SETBP1: variants seen among roughly 807,000 people sequenced by gnomAD.
The protein encoded by SETBP1 is SET-binding protein.
SETBP1 carries 9 observed loss-of-function variants against 101.0 expected under a neutral mutation model. The ratio of observed to expected loss-of-function variants is 0.09; its 90% confidence interval spans 0.05 to 0.16. The LOEUF (loss-of-function observed/expected upper bound fraction) is 0.16. Ranked by LOEUF, SETBP1 falls within the 10% of genes least tolerant of loss-of-function variation. The probability of loss-of-function intolerance (pLI) is 1.00; values close to 1 mark genes in which losing one functional copy is unlikely to be tolerated. For missense variants in SETBP1, 1,858 were observed against 2,033.8 expected, an observed-to-expected ratio of 0.91 and a Z score of 1.66; for synonymous variants, 818 against 788.5, an observed-to-expected ratio of 1.04 and a Z score of -0.63.
intron 2 of SETBP1, among the ~76,000 whole-genome samples, chr18:44,828,132 A>G (rs2072274967): frequency 6.6e-6 from 1 of 152,200 alleles, no homozygotes; most frequent in Non-Finnish European, 1.5e-5. Context: ...TGTTCAAACT[A>G]TGATTGAAAT....
intron 5 of SETBP1, among the ~76,000 whole-genome samples, chr18:45,058,957 C>A (rs957546321): frequency 6.6e-6 from 1 of 152,172 alleles, no homozygotes; most frequent in African/African-American, 2.4e-5. Flanking sequence ...GGAACATCTC[C>A]TCTTATCCTT....
At position 45,029,980 on chromosome 18, in the gene SETBP1, T is replaced by A. The variant is rs1311023863; in HGVS notation, c.4001-8505T>A. Among the ~76,000 whole-genome samples, 31 of 148,892 alleles carry A rather than the reference T, an allele frequency of 2.1e-4. 1 individual carries two copies. The highest frequency in any genetic ancestry group is 3.7e-4 in the Non-Finnish European group (25 of 67,086). ...AACAGGGACAATTTGACTTCCTCTT[T>A]TCCTAATTGAATACCCTTTATTTCC... On this transcript the variant is annotated intron_variant, in intron 4 of 5. Transcript: ENST00000649279.
intron 3 of SETBP1, among the ~76,000 whole-genome samples, chr18:44,876,312 A>T (rs916009610): frequency 2.0e-5 from 3 of 152,136 alleles, no homozygotes; most frequent in Non-Finnish European, 2.9e-5. Context: ...TGTATAAGGA[A>T]ATCCTGCAGC....
chr18:44,803,494 C>T (rs914001816), intron 2 of SETBP1, among the ~76,000 whole-genome samples: 4 of 152,074 alleles, frequency 2.6e-5, no homozygotes, highest in Admixed American at 2.0e-4. Context: ...ACTGAGTCTC[C>T]CAGAAGCTGC....
chr18:44,854,224 A>G (rs1400552961), intron 2 of SETBP1, among the ~76,000 whole-genome samples: 1 of 152,118 alleles, frequency 6.6e-6, no homozygotes, highest in Non-Finnish European at 1.5e-5. Flanking sequence ...GAATGAATGT[A>G]GCAAGCAGAT....
chr18:44,798,410 T>C (rs2071528404), intron 2 of SETBP1, among the ~76,000 whole-genome samples: 1 of 152,070 alleles, frequency 6.6e-6, no homozygotes, highest in Admixed American at 6.5e-5. Context: ...GAAATGGAAA[T>C]GTCCCTCTGA....
chr18:44,944,060 C>A (rs2071148516), intron 3 of SETBP1, among the ~76,000 whole-genome samples: 1 of 152,032 alleles, frequency 6.6e-6, no homozygotes, highest in African/African-American at 2.4e-5. Context: ...TCTTGAATTT[C>A]TGACCTCAAG....
intron 2 of SETBP1, among the ~76,000 whole-genome samples, chr18:44,711,476 T>TCTCC (rs530792582): frequency 2.3e-5 from 3 of 130,388 alleles, no homozygotes; most frequent in African/African-American, 8.7e-5. Context: ...TTCCTTCCTT[T>TCTCC]CTCCCTCCCT....
intron 2 of SETBP1, among the ~76,000 whole-genome samples, chr18:44,853,763 C>T (rs1322253618): frequency 1.3e-5 from 2 of 152,224 alleles, no homozygotes; most frequent in Admixed American, 6.5e-5. Flanking sequence ...TAACCTCAGT[C>T]TAGTCCTCTT....
At chr18:44,810,198 A>G (rs1206652075) in intron 2 of SETBP1, among the ~76,000 whole-genome samples, 1 of 152,230 alleles carries the variant, frequency 6.6e-6, no homozygotes, top group African/African-American at 2.4e-5. Flanking sequence ...TCTCCAAAAC[A>G]GGCAGCAAAG....
intron 4 of SETBP1, among the ~76,000 whole-genome samples, chr18:44,956,697 C>G (rs980984088): frequency 6.6e-6 from 1 of 152,218 alleles, no homozygotes; most frequent in African/African-American, 2.4e-5. Context: ...GCTTTGAGTG[C>G]TCCCTGAGAT....
intron 2 of SETBP1, among the ~76,000 whole-genome samples, chr18:44,777,122 C>A (rs1045174053): frequency 2.6e-5 from 4 of 152,108 alleles, no homozygotes; most frequent in African/African-American, 4.8e-5. Context: ...TTGAGACCAA[C>A]CTGCACAACA....
At chr18:44,882,883 T>A (rs2069563060) in intron 3 of SETBP1, among the ~76,000 whole-genome samples, 1 of 152,180 alleles carries the variant, frequency 6.6e-6, no homozygotes, top group Admixed American at 6.5e-5. Context: ...TGCATTTGGT[T>A]TGACACCAGT....
intron 2 of SETBP1, among the ~76,000 whole-genome samples, chr18:44,868,015 A>G (rs2069167673): frequency 6.6e-6 from 1 of 152,354 alleles, no homozygotes; most frequent in South Asian, 2.1e-4. Context: ...AATCAAAATA[A>G]GCATCTGCCT....
chr18:44,848,443 A>T (rs1459852725), intron 2 of SETBP1, among the ~76,000 whole-genome samples: 1 of 152,200 alleles, frequency 6.6e-6, no homozygotes, highest in East Asian at 1.9e-4. Context: ...GCTCATATGG[A>T]AATACACATG....
intron 3 of SETBP1, among the ~76,000 whole-genome samples, chr18:44,883,328 A>T (rs1185279718): frequency 6.6e-6 from 1 of 152,206 alleles, no homozygotes; most frequent in African/African-American, 2.4e-5. Flanking sequence ...GAGGCTACTA[A>T]TGTAGCTCAG....
chr18:44,888,980 C>G (rs1363874399), intron 3 of SETBP1, among the ~76,000 whole-genome samples: 1 of 152,122 alleles, frequency 6.6e-6, no homozygotes, highest in Non-Finnish European at 1.5e-5. Flanking sequence ...GGAAGCTTCT[C>G]TCTCATTCTG....
chr18:44,967,931 A>T (rs1029498767), intron 4 of SETBP1, among the ~76,000 whole-genome samples: 1 of 152,176 alleles, frequency 6.6e-6, no homozygotes, highest in African/African-American at 2.4e-5. Context: ...ATTTTGCCTC[A>T]TGACTAAGTA....
At chr18:45,030,881 G>A (rs866458760) in intron 4 of SETBP1, among the ~76,000 whole-genome samples, 55 of 151,780 alleles carry the variant, frequency 3.6e-4, no homozygotes, top group South Asian at 1.0e-3. Context: ...TTTTTATTGC[G>A]TCTATTTGAT....
Sources: gnomAD v4.1 joint callset for allele counts (sites outside exome capture counted in the v4.1 genomes callset) on GRCh38, gnomAD v4.1.1 for gene constraint, MANE v1.5 for transcripts, NCBI Gene and HGNC (gene_info 2026-07-23, HGNC 2026-07-21) for gene names.